The following RARB variants were observed in gnomAD, a reference collection of about 807,000 sequenced individuals.
The protein encoded by RARB is HBV-activated protein.
In RARB, 17 loss-of-function variants were observed where a neutral mutation model predicts 51.9. That is an observed-to-expected ratio of 0.33 (90% CI 0.22 to 0.49). RARB has a LOEUF of 0.49. Among genes scored for constraint, RARB ranks in the 20% least tolerant of loss-of-function variants. The pLI, the probability that RARB is intolerant of heterozygous loss-of-function variation, is 0.99. For missense variants in RARB, 369 were observed against 550.8 expected (o/e 0.67, Z 3.30); for synonymous variants, 215 against 195.4 (o/e 1.10, Z -0.84).
intron 5 of RARB, among the ~76,000 whole-genome samples, chr3:25,389,062 T>C (rs1298019901): frequency 1.3e-5 from 2 of 152,164 alleles, no homozygotes; most frequent in East Asian, 1.9e-4. Flanking sequence ...TCATAATATA[T>C]GTGGAGCTCA....
intron 3 of RARB, among the ~76,000 whole-genome samples, chr3:25,093,813 C>G (rs1699245469): frequency 6.6e-6 from 1 of 152,136 alleles, no homozygotes; most frequent in South Asian, 2.1e-4. Flanking sequence ...TCCCACACCC[C>G]TATGATTGCA....
At chr3:25,057,297 G>A (rs1698460482) in intron 2 of RARB, among the ~76,000 whole-genome samples, 1 of 151,914 alleles carries the variant, frequency 6.6e-6, no homozygotes. Context: ...TGACTTTAAG[G>A]TAAGATGCTC....
intron 5 of RARB, among the ~76,000 whole-genome samples, chr3:25,212,061 G>T (rs917463934): frequency 4.6e-5 from 7 of 152,012 alleles, no homozygotes; most frequent in Admixed American, 2.0e-4. Flanking sequence ...GGTTGGAGTG[G>T]GTGGTGAGCA....
At chr3:25,314,122 C>G (rs1704360026) in intron 5 of RARB, among the ~76,000 whole-genome samples, 1 of 151,830 alleles carries the variant, frequency 6.6e-6, no homozygotes, top group Non-Finnish European at 1.5e-5. Flanking sequence ...AATTACAAAA[C>G]TTAAAAATTT....
In RARB at chr3:25,442,921, T is replaced by C. The variant is rs544932925; in HGVS notation, c.157+14033T>C. On this transcript the variant is annotated intron_variant, in intron 1 of 7. Transcript: ENST00000330688. ...GAGATGGGCAGAGTATCTCCCAACA[T>C]TTTCAAGCTTTCAACTCAGCTTGAA... Among the ~76,000 whole-genome samples, 9 of 152,242 alleles carry C rather than the reference T, an allele frequency of 5.9e-5. No individual in the cohort carries two copies. The South Asian group carries it at 1.7e-3, about 28-fold the overall frequency.
chr3:25,196,384 T>C (rs1701237093), intron 5 of RARB, among the ~76,000 whole-genome samples: 1 of 152,160 alleles, frequency 6.6e-6, no homozygotes, highest in Non-Finnish European at 1.5e-5. Flanking sequence ...TCCATGTCCC[T>C]ACAAAAGACA....
chr3:25,120,524 A>T (rs915833817), intron 3 of RARB, among the ~76,000 whole-genome samples: 22 of 77,050 alleles, frequency 2.9e-4, no homozygotes, highest in Non-Finnish European at 4.9e-4. Context: ...TATATATATA[A>T]AAATCTCTCT....
chr3:25,097,812 G>A (rs568594247), intron 3 of RARB, among the ~76,000 whole-genome samples: 6 of 152,146 alleles, frequency 3.9e-5, no homozygotes, highest in Non-Finnish European at 7.4e-5. Flanking sequence ...GTTCTCCTTC[G>A]GGAGTGTATT....
intron 5 of RARB, among the ~76,000 whole-genome samples, chr3:25,362,336 C>G (rs1050700766): frequency 3.3e-5 from 5 of 152,150 alleles, no homozygotes; most frequent in African/African-American, 1.2e-4. Flanking sequence ...GACGCCCCTC[C>G]CCCGACCAAA....
intron 3 of RARB, among the ~76,000 whole-genome samples, chr3:25,112,157 G>A (rs1357649622): frequency 1.3e-5 from 2 of 152,180 alleles, no homozygotes; most frequent in African/African-American, 4.8e-5. Flanking sequence ...ACATTGAGTA[G>A]CTTAAATCAA....
chr3:25,390,839 T>G (rs1417007204), intron 5 of RARB, among the ~76,000 whole-genome samples: 1 of 152,198 alleles, frequency 6.6e-6, no homozygotes, highest in Admixed American at 6.6e-5. Flanking sequence ...AAGCCCTGTA[T>G]GTCTAAAGTA....
chr3:25,329,310 C>G (rs1704821399), intron 5 of RARB, among the ~76,000 whole-genome samples: 1 of 152,126 alleles, frequency 6.6e-6, no homozygotes, highest in African/African-American at 2.4e-5. Flanking sequence ...GGCCGGGTGC[C>G]CCTCTGAGAC....
chr3:24,884,779 G>A (rs534316805), intron 2 of RARB, among the ~76,000 whole-genome samples: 11 of 152,224 alleles, frequency 7.2e-5, no homozygotes, highest in African/African-American at 2.6e-4. Context: ...TTGTGTAGGA[G>A]CTCTATTTGA....
intron 2 of RARB, among the ~76,000 whole-genome samples, chr3:25,006,307 T>C (rs1038007070): frequency 6.6e-6 from 1 of 152,184 alleles, no homozygotes; most frequent in Non-Finnish European, 1.5e-5. Context: ...CAATACTTGT[T>C]AGTGTACCTT....
intron 2 of RARB, among the ~76,000 whole-genome samples, chr3:24,934,740 G>C (rs781443414): frequency 2.0e-5 from 3 of 151,968 alleles, no homozygotes; most frequent in Non-Finnish European, 4.4e-5. Flanking sequence ...ATATTATTAT[G>C]ACCAAATGCC....
At chr3:25,266,199 G>T (rs1313120321) in intron 5 of RARB, among the ~76,000 whole-genome samples, 8 of 151,924 alleles carry the variant, frequency 5.3e-5, no homozygotes. Flanking sequence ...TATCTTTGGG[G>T]GCTAATATTC....
chr3:25,195,027 G>C (rs1399914933), intron 5 of RARB, among the ~76,000 whole-genome samples: 2 of 151,936 alleles, frequency 1.3e-5, no homozygotes, highest in South Asian at 2.1e-4. Context: ...AGAAACAAAA[G>C]CTTTAACAAA....
At position 25,073,233 on chromosome 3, in the gene RARB, A is replaced by C. The variant is rs1233582718; in HGVS notation, c.-328+13057A>C. On this transcript the variant is annotated intron_variant, in intron 3 of 11. Coordinates refer to the RARB transcript ENST00000383772. Reference sequence around the variant, plus strand: ...AGAGAAAGCATGACGATCATGAAGGAGGTAACAAGACCAATGCTGTGTGAA... The same window carrying C: ...AGAGAAAGCATGACGATCATGAAGGCGGTAACAAGACCAATGCTGTGTGAA... Among the ~76,000 whole-genome samples, 3 of 152,216 alleles carry C rather than the reference A, an allele frequency of 2.0e-5. No homozygotes were observed. The East Asian group carries it at 5.8e-4, about 29-fold the overall frequency.
intron 5 of RARB, among the ~76,000 whole-genome samples, chr3:25,403,107 G>A (rs371936104): frequency 4.3e-4 from 64 of 149,730 alleles, no homozygotes; most frequent in African/African-American, 1.6e-3. Context: ...AGGTTGCAGT[G>A]AGCTGAGATC....
Sources: gnomAD v4.1 joint callset for allele counts (sites outside exome capture counted in the v4.1 genomes callset) on GRCh38, gnomAD v4.1.1 for gene constraint, MANE v1.5 for transcripts, NCBI Gene and HGNC (gene_info 2026-07-23, HGNC 2026-07-21) for gene names.